Variants in CPA6 observed in about 807,000 individuals in gnomAD.
CPA6 encodes the protein carboxypeptidase B.
A neutral mutation model predicts 63.3 loss-of-function variants in CPA6; 58 were observed. The observed-to-expected ratio is 0.92, with a 90% confidence interval of 0.74 to 1.14. The LOEUF (loss-of-function observed/expected upper bound fraction) is 1.14. CPA6 is among the 50% of genes most tolerant of loss of function. The pLI, the probability that CPA6 is intolerant of heterozygous loss-of-function variation, is 0.00. For missense variants in CPA6, 565 were observed against 526.6 expected, an observed-to-expected ratio of 1.07 and a Z score of -0.71; for synonymous variants, 185 against 179.0, an observed-to-expected ratio of 1.03 and a Z score of -0.27.
At chr8:67,574,002 A>C (rs1813558159) in intron 2 of CPA6, among the ~76,000 whole-genome samples, 1 of 152,044 alleles carries the variant, frequency 6.6e-6, no homozygotes, top group Admixed American at 6.5e-5. Flanking sequence ...AATACTGTTA[A>C]AAGATCTATA....
intron 2 of CPA6, among the ~76,000 whole-genome samples, chr8:67,533,668 T>C (rs1449139915): frequency 6.6e-6 from 1 of 152,350 alleles, no homozygotes; most frequent in East Asian, 1.9e-4. Flanking sequence ...AAAAGATTTA[T>C]AAAGAGAAAA....
intron 2 of CPA6, among the ~76,000 whole-genome samples, chr8:67,613,106 C>T (rs1487642055): frequency 1.3e-5 from 2 of 152,200 alleles, no homozygotes; most frequent in Non-Finnish European, 2.9e-5. Flanking sequence ...ACAGAAATCC[C>T]ACTTCCTCCA....
intron 1 of CPA6, among the ~76,000 whole-genome samples, chr8:67,651,113 A>G (rs573540189): frequency 9.2e-5 from 14 of 152,290 alleles, no homozygotes; most frequent in East Asian, 7.7e-4. Flanking sequence ...TTGTCTCCCC[A>G]TAAGGAATTT....
intron 8 of CPA6, among the ~76,000 whole-genome samples, chr8:67,465,074 C>A (rs981966270): frequency 2.0e-5 from 3 of 152,086 alleles, no homozygotes; most frequent in African/African-American, 7.2e-5. Context: ...ATAGGAATAG[C>A]ATGGAATCTG....
chr8:67,633,922 C>T lies in CPA6; in HGVS notation c.117-9671G>A, dbSNP rs201013008. On this transcript the variant is annotated intron_variant, in intron 1 of 10. Coordinates refer to ENST00000297770, the MANE Select transcript of CPA6 (RefSeq NM_020361.5). ...TTTTCCTCCTTCTTTCTCCATGTTT[C>T]GTTAAAATCATCTGGAATTTTTATT... Among the ~76,000 whole-genome samples, 53 of 151,704 alleles carry T rather than the reference C, an allele frequency of 3.5e-4. No homozygotes were observed. In the East Asian group the frequency reaches 6.0e-3, roughly 17 times the overall value.
At chr8:67,490,919 G>C (rs1321808758) in intron 6 of CPA6, among the ~76,000 whole-genome samples, 1 of 152,100 alleles carries the variant, frequency 6.6e-6, no homozygotes, top group Non-Finnish European at 1.5e-5. Flanking sequence ...GGTGTTAATG[G>C]CTTTTAAAAA....
chr8:67,729,736 C>A (rs1025755522), intron 1 of CPA6, among the ~76,000 whole-genome samples: 2 of 152,122 alleles, frequency 1.3e-5, no homozygotes, highest in African/African-American at 2.4e-5. Context: ...AAATAAATAT[C>A]CCTGTAAGCC....
chr8:67,673,093 G>C (rs553724601), intron 1 of CPA6, among the ~76,000 whole-genome samples: 2 of 152,188 alleles, frequency 1.3e-5, no homozygotes, highest in South Asian at 4.2e-4. Flanking sequence ...ATGAACTGTG[G>C]AAAAGAACAA....
chr8:67,708,716 C>T (rs1225428323), intron 1 of CPA6, among the ~76,000 whole-genome samples: 1 of 152,124 alleles, frequency 6.6e-6, no homozygotes, highest in African/African-American at 2.4e-5. Context: ...AGGCCAGAAC[C>T]CACAGAAAAA....
intron 6 of CPA6, among the ~76,000 whole-genome samples, chr8:67,499,637 C>T (rs1204747803): frequency 6.6e-6 from 1 of 152,160 alleles, no homozygotes; most frequent in Non-Finnish European, 1.5e-5. Flanking sequence ...ACAGCCACAT[C>T]CACTTTCCTT....
intron 6 of CPA6, among the ~76,000 whole-genome samples, chr8:67,502,689 A>G (rs1392723114): frequency 6.6e-6 from 1 of 152,154 alleles, no homozygotes; most frequent in Non-Finnish European, 1.5e-5. Flanking sequence ...TTCACTTTTA[A>G]CCAGTTCAAG....
chr8:67,590,059 T>G (rs1400537232), intron 2 of CPA6, among the ~76,000 whole-genome samples: 5 of 150,184 alleles, frequency 3.3e-5, no homozygotes, highest in African/African-American at 9.8e-5. Context: ...CCCACAACAG[T>G]CCCCAGAGTG....
chr8:67,465,798 T>C (rs945738929), intron 8 of CPA6, among the ~76,000 whole-genome samples: 3 of 152,236 alleles, frequency 2.0e-5, no homozygotes, highest in Non-Finnish European at 4.4e-5. Context: ...ATCCCACGAA[T>C]GAAGCCTACT....
chr8:67,591,578 G>C (rs1373286010), intron 2 of CPA6, among the ~76,000 whole-genome samples: 3 of 152,206 alleles, frequency 2.0e-5, no homozygotes, highest in East Asian at 3.9e-4. Context: ...GTGGTTTGTA[G>C]TTCTCCTTGA....
intron 10 of CPA6, among the ~76,000 whole-genome samples, chr8:67,423,642 G>A (rs1809817187): frequency 6.6e-6 from 1 of 152,134 alleles, no homozygotes; most frequent in African/African-American, 2.4e-5. Flanking sequence ...CTAGGTGAGG[G>A]AGCTAGAGAA....
intron 1 of CPA6, among the ~76,000 whole-genome samples, chr8:67,736,546 G>A (rs190408000): frequency 6.6e-6 from 1 of 152,064 alleles, no homozygotes; most frequent in Non-Finnish European, 1.5e-5. Flanking sequence ...TCCTTTAACT[G>A]ACATCTCCTG....
At chr8:67,596,048 G>T (rs1192809795) in intron 2 of CPA6, among the ~76,000 whole-genome samples, 2 of 152,148 alleles carry the variant, frequency 1.3e-5, no homozygotes, top group South Asian at 2.1e-4. Context: ...AGTGTTGATT[G>T]TTAAGTGTTT....
At chr8:67,554,869 TG>T (rs1423199500) in intron 2 of CPA6, among the ~76,000 whole-genome samples, 19 of 152,190 alleles carry the variant, frequency 1.2e-4, no homozygotes, top group Non-Finnish European at 2.2e-4. Context: ...CTTGCCTGCA[TG>T]GAGGGTAGAT....
At chr8:67,604,017 A>G (rs1814563451) in intron 2 of CPA6, among the ~76,000 whole-genome samples, 1 of 152,170 alleles carries the variant, frequency 6.6e-6, no homozygotes, top group Non-Finnish European at 1.5e-5. Context: ...AAAGGGTGAA[A>G]TGATGTTGAG....
Sources: gnomAD v4.1 joint callset for allele counts (sites outside exome capture counted in the v4.1 genomes callset) on GRCh38, gnomAD v4.1.1 for gene constraint, MANE v1.5 for transcripts, NCBI Gene and HGNC (gene_info 2026-07-23, HGNC 2026-07-21) for gene names.